ALCAM: variants seen among roughly 807,000 people sequenced by gnomAD.
The protein encoded by ALCAM is activated leukocyte cell adhesion molecule, also known as CD166 antigen.
A neutral mutation model predicts 70.9 loss-of-function variants in ALCAM; 30 were observed. The ratio of observed to expected loss-of-function variants is 0.42; its 90% CI spans 0.32 to 0.57. The LOEUF (loss-of-function observed/expected upper bound fraction) is 0.57. Ranked by LOEUF, ALCAM falls within the 20% of genes least tolerant of loss-of-function variation. ALCAM has a pLI of 0.11. For synonymous variants in ALCAM, 249 were observed against 242.5 expected (o/e 1.03, Z -0.25); for missense variants, 591 against 695.1 (o/e 0.85, Z 1.68).
intron 1 of ALCAM, among the ~76,000 whole-genome samples, chr3:105,391,430 T>A (rs1935814819): frequency 6.6e-6 from 1 of 152,090 alleles, no homozygotes; most frequent in South Asian, 2.1e-4. Context: ...TGCTGCTTAT[T>A]TTTGTACATT....
In ALCAM at chr3:105,442,775, C is replaced by T. The variant is rs534745212; in HGVS notation, c.73+75294C>T. On this transcript the variant is annotated intron_variant, in intron 1 of 15. Coordinates refer to ENST00000306107, the MANE Select transcript of ALCAM (RefSeq NM_001627.4). ...CAGTTTGGGTGACAGAGCGAGATTC[C>T]GTCTCAAAAAAAAAAAGAAAGAAAG... Among the ~76,000 whole-genome samples, 191 of 150,866 alleles carry T rather than the reference C, an allele frequency of 1.3e-3. 4 individuals are homozygous for T. Among genetic ancestry groups the T allele is most frequent in the Non-Finnish European group, 1.1e-3 (72 of 67,732 alleles).
intron 1 of ALCAM, among the ~76,000 whole-genome samples, chr3:105,382,904 T>A (rs1935562729): frequency 6.6e-6 from 1 of 151,820 alleles, no homozygotes; most frequent in African/African-American, 2.4e-5. Context: ...CACTTCCCAA[T>A]ATAGTCAGGG....
intron 1 of ALCAM, among the ~76,000 whole-genome samples, chr3:105,369,251 C>T (rs1249891451): frequency 1.3e-5 from 2 of 152,192 alleles, no homozygotes; most frequent in Admixed American, 6.5e-5. Context: ...AGGCGGGCCA[C>T]GTCGCAGGAT....
chr3:105,557,652 G>T (rs534835540), intron 14 of ALCAM, among the ~76,000 whole-genome samples: 89 of 152,262 alleles, frequency 5.8e-4, no homozygotes, highest in Non-Finnish European at 1.1e-3. Flanking sequence ...AACATTTTGA[G>T]CTGTGATGCT....
chr3:105,409,686 T>C (rs1936338814), intron 1 of ALCAM, among the ~76,000 whole-genome samples: 1 of 151,976 alleles, frequency 6.6e-6, no homozygotes, highest in Admixed American at 6.6e-5. Flanking sequence ...ACACCACCTG[T>C]TCCCCAAAAC....
At chr3:105,412,454 TA>T (rs1321024211) in intron 1 of ALCAM, among the ~76,000 whole-genome samples, 3 of 152,050 alleles carry the variant, frequency 2.0e-5, no homozygotes. Context: ...AGAGGTAAAA[TA>T]AAGGAGAATA....
chr3:105,420,022 A>G (rs1371179462), intron 1 of ALCAM, among the ~76,000 whole-genome samples: 2 of 151,752 alleles, frequency 1.3e-5, no homozygotes, highest in Non-Finnish European at 3.0e-5. Context: ...CTTTTTATAT[A>G]TACAAGCACA....
At chr3:105,427,847 T>G (rs970476469) in intron 1 of ALCAM, among the ~76,000 whole-genome samples, 3 of 151,870 alleles carry the variant, frequency 2.0e-5, no homozygotes, top group Non-Finnish European at 4.4e-5. Flanking sequence ...ATGCACAAAG[T>G]TCTTACCATT....
chr3:105,428,530 T>C (rs547034929), intron 1 of ALCAM, among the ~76,000 whole-genome samples: 28 of 152,026 alleles, frequency 1.8e-4, no homozygotes, highest in African/African-American at 5.8e-4. Context: ...TTTAATTTTG[T>C]GCCAATTTCA....
chr3:105,553,665 GA>G (rs1411077759), intron 14 of ALCAM, among the ~76,000 whole-genome samples: 2 of 151,828 alleles, frequency 1.3e-5, no homozygotes, highest in African/African-American at 4.8e-5. Context: ...CAGAAGCTCT[GA>G]AATTTTGAAG....
intron 1 of ALCAM, among the ~76,000 whole-genome samples, chr3:105,382,367 C>A (rs1484193021): frequency 6.6e-6 from 1 of 152,002 alleles, no homozygotes; most frequent in East Asian, 1.9e-4. Context: ...CTTTCCAAGT[C>A]TTTGCTCTTG....
chr3:105,450,164 G>A (rs764094270), intron 1 of ALCAM, among the ~76,000 whole-genome samples: 3 of 152,186 alleles, frequency 2.0e-5, no homozygotes, highest in Non-Finnish European at 2.9e-5. Flanking sequence ...GTATAGAGTA[G>A]ATTTCAAGAA....
At chr3:105,441,152 C>G (rs1422520711) in intron 1 of ALCAM, among the ~76,000 whole-genome samples, 1 of 152,044 alleles carries the variant, frequency 6.6e-6, no homozygotes, top group African/African-American at 2.4e-5. Flanking sequence ...GCCAATGGCA[C>G]TTCGTGACCA....
At chr3:105,526,928 C>G (rs1939720157) in intron 3 of ALCAM, among the ~76,000 whole-genome samples, 1 of 152,188 alleles carries the variant, frequency 6.6e-6, no homozygotes, top group African/African-American at 2.4e-5. Flanking sequence ...GAGCCAGTCT[C>G]AGATCAGGCT....
intron 1 of ALCAM, among the ~76,000 whole-genome samples, chr3:105,386,858 C>T (rs183927715): frequency 1.3e-5 from 2 of 151,402 alleles, no homozygotes; most frequent in South Asian, 2.1e-4. Context: ...AAGTATATTC[C>T]CCAATGTTTG....
chr3:105,389,922 C>A (rs902170225), intron 1 of ALCAM, among the ~76,000 whole-genome samples: 3 of 151,690 alleles, frequency 2.0e-5, no homozygotes, highest in African/African-American at 7.3e-5. Context: ...TATCTCATTC[C>A]TTTTTATGGC....
At chr3:105,400,722 T>A (rs1261629547) in intron 1 of ALCAM, among the ~76,000 whole-genome samples, 2 of 152,058 alleles carry the variant, frequency 1.3e-5, no homozygotes, top group African/African-American at 4.8e-5. Flanking sequence ...GTGTTGGAAG[T>A]GGTGGTGGGA....
chr3:105,516,678 C>T (rs1939390001), intron 1 of ALCAM, among the ~76,000 whole-genome samples: 1 of 152,034 alleles, frequency 6.6e-6, no homozygotes, highest in African/African-American at 2.4e-5. Context: ...AATAATAAGT[C>T]ATAAAATGTC....
chr3:105,532,263 G>T (rs1939858863), intron 4 of ALCAM, among the ~76,000 whole-genome samples, 197 bp downstream of exon 4: 1 of 152,114 alleles, frequency 6.6e-6, no homozygotes, highest in Admixed American at 6.6e-5. Context: ...GGACATCAAG[G>T]AAGGTGGGGT....
Sources: gnomAD v4.1 joint callset for allele counts (sites outside exome capture counted in the v4.1 genomes callset) on GRCh38, gnomAD v4.1.1 for gene constraint, MANE v1.5 for transcripts, NCBI Gene and HGNC (gene_info 2026-07-23, HGNC 2026-07-21) for gene names.